The following TMEM179 variants were observed in gnomAD, a reference collection of about 807,000 sequenced individuals.
TMEM179 encodes transmembrane protein 179A.
A neutral mutation model predicts 22.2 loss-of-function variants in TMEM179; 17 were observed. The observed-to-expected ratio is 0.77, with a 90% CI of 0.52 to 1.15. The LOEUF is 1.15. TMEM179 is among the 50% of genes most tolerant of loss of function. The probability of loss-of-function intolerance (pLI) is 0.00; values close to 1 mark genes in which losing one functional copy is unlikely to be tolerated. For synonymous variants in TMEM179, 127 were observed against 140.5 expected (o/e 0.90, Z 0.68); for missense variants, 265 against 313.6 (o/e 0.84, Z 1.17).
At position 104,593,515 on chromosome 14, in the gene TMEM179, G is replaced by C; in HGVS notation, c.666C>G (p.Arg222=). The C allele has an allele frequency of 3.3e-6, 5 of 1,535,894 alleles. No homozygotes were observed. Among genetic ancestry groups the C allele is most frequent in the Non-Finnish European group, 4.4e-6 (5 of 1,146,740 alleles). ...CGCTCTTCTCCTCTTGGAAGGAGGT[G>C]CGTGGGGACGGCCGGGCCAGCAGCA... ...KELLLARPSP[R]TSFQEEKSAV... Residue 222 remains arginine (R), a synonymous_variant, in exon 4 of 4, where the codon CGC becomes CGG. Transcript: ENST00000556573.
At chr14:104,593,701 C>T (rs550305801) in intron 3 of TMEM179, 43 bp from the exon 4 acceptor site, 26 of 1,435,136 alleles carry the variant, frequency 1.8e-5, no homozygotes, top group African/African-American at 1.4e-4. Context: ...GTTGGGGGTC[C>T]GCTGTCAGTG....
chr14:104,594,981 G>C (rs1380166446), intron 3 of TMEM179, 184 bp downstream of exon 3: 3 of 1,396,832 alleles, frequency 2.1e-6, no homozygotes, highest in Non-Finnish European at 2.8e-6. Context: ...CAAAAGCCCA[G>C]CTCTCCCCCA....
At position 104,594,025 on chromosome 14, in the gene TMEM179, G is replaced by A. The variant is rs573679404; in HGVS notation, c.523-367C>T. 3.8e-5 allele frequency: 47 copies of A among 1,221,844 alleles called. No individual in the cohort carries two copies. In the South Asian group the frequency reaches 1.1e-3, roughly 27 times the overall value. 75.7% of individuals were successfully genotyped at this position (1,221,844 alleles called of 1,614,324 possible). A position where few individuals can be genotyped will look rare whatever the true frequency, so the allele number is the denominator to read the frequency against. ...CCGGCCTGTCGGCTCTAAGGAGGGC[G>A]GGTAAACAGCGGAGGCTCCTCCAAC... is the stretch of plus-strand genomic sequence containing the variant. On this transcript the variant is annotated intron_variant, in intron 3 of 3. Coordinates refer to ENST00000556573, the MANE Select transcript of TMEM179 (RefSeq NM_001286389.2).
intron 3 of TMEM179, chr14:104,594,175 C>T: frequency 6.5e-6 from 8 of 1,232,180 alleles, no homozygotes; most frequent in Non-Finnish European, 7.1e-6. Flanking sequence ...TCAGACTGCA[C>T]TCACACCTTA....
chr14:104,593,321 TG>T lies in TMEM179; in HGVS notation c.*157del. ...CACTGCCAGGCTCACAGGTGGGCAC[TG>T]GGGCGCTCACCTCACTACACGTGGC... On this transcript the variant is annotated 3_prime_UTR_variant, in exon 4 of 4. Coordinates refer to ENST00000556573, the MANE Select transcript of TMEM179 (RefSeq NM_001286389.2). The T allele has an allele frequency of 1.2e-6, 1 of 849,066 alleles. No individual in the cohort carries two copies. The highest frequency in any genetic ancestry group is 1.8e-6 in the Non-Finnish European group (1 of 550,146). The allele number at this position is 849,066 out of a possible 1,614,324, so 52.6% of individuals were successfully genotyped here. A position where few individuals can be genotyped will look rare whatever the true frequency, so the allele number is the denominator to read the frequency against.
chr14:104,593,087 C>G lies in TMEM179; in HGVS notation c.*392G>C, dbSNP rs1311801940. 4.1e-6 allele frequency: 1 copy of G among 246,826 alleles called. No homozygotes were observed. Among genetic ancestry groups the G allele is most frequent in the African/African-American group, 2.2e-5 (1 of 44,592 alleles). 15.3% of individuals were successfully genotyped at this position (246,826 alleles called of 1,614,324 possible). On this transcript the variant is annotated 3_prime_UTR_variant, in exon 4 of 4. Coordinates refer to ENST00000556573, the MANE Select transcript of TMEM179 (RefSeq NM_001286389.2). ...GAATTCGTTCAGGGCTAAGTGACAT[C>G]TGGCCACCCCTGGGCCAGCTGGCAT... is the stretch of plus-strand genomic sequence containing the variant.
chr14:104,593,710 T>C lies in TMEM179; in HGVS notation c.523-52A>G, dbSNP rs1886918866. Reference sequence around the variant, plus strand: ...GAAGCCGTTGGGGGTCCGCTGTCAGTGCAACCCCCTCCCACCAGCCCCCAG... The same window carrying C: ...GAAGCCGTTGGGGGTCCGCTGTCAGCGCAACCCCCTCCCACCAGCCCCCAG... On this transcript the variant is annotated intron_variant, in intron 3 of 3. Transcript: ENST00000556573. The C allele has an allele frequency of 1.3e-5, 19 of 1,427,478 alleles. No homozygotes were observed. The South Asian group carries it at 1.6e-4, about 12-fold the overall frequency. 88.4% of individuals were successfully genotyped at this position (1,427,478 alleles called of 1,614,324 possible).
chr14:104,603,998 G>A (rs1887330354), intron 1 of TMEM179, among the ~76,000 whole-genome samples: 1 of 152,228 alleles, frequency 6.6e-6, no homozygotes, highest in African/African-American at 2.4e-5. Context: ...CCGGGGCGAT[G>A]GTGCCGGGTG....
chr14:104,603,291 C>T (rs915532749), intron 1 of TMEM179, among the ~76,000 whole-genome samples: 4 of 151,876 alleles, frequency 2.6e-5, no homozygotes, highest in African/African-American at 9.7e-5. Context: ...GGAGGGCTTC[C>T]CCACTCCTGC....
intron 3 of TMEM179, chr14:104,594,852 C>G: frequency 7.6e-7 from 1 of 1,316,972 alleles, no homozygotes; most frequent in Non-Finnish European, 9.7e-7. Context: ...GATCTGATGC[C>G]TGGTTTCGTT....
At chr14:104,599,296 T>C (rs1208763002) in intron 1 of TMEM179, among the ~76,000 whole-genome samples, 1 of 139,542 alleles carries the variant, frequency 7.2e-6, no homozygotes, top group African/African-American at 2.6e-5. Context: ...GCCCTCTGGC[T>C]TCCGGCTGGG....
rs1038358652 is a variant in TMEM179, at chr14:104,593,128, C to A, written c.*351G>T. 5.8e-6 allele frequency: 2 copies of A among 342,440 alleles called. No individual in the cohort carries two copies. The highest frequency in any genetic ancestry group is 2.1e-5 in the African/African-American group (1 of 47,420). 21.2% of individuals were successfully genotyped at this position (342,440 alleles called of 1,614,324 possible). Reference sequence around the variant, plus strand: ...CAGCTGGCATGGAGACAGCATCCGGCCAGGGTTGGGGGAGACAAGCTGGAC... The same window carrying A: ...CAGCTGGCATGGAGACAGCATCCGGACAGGGTTGGGGGAGACAAGCTGGAC... On this transcript the variant is annotated 3_prime_UTR_variant, in exon 4 of 4. Coordinates refer to ENST00000556573, the MANE Select transcript of TMEM179 (RefSeq NM_001286389.2).
At position 104,592,263 on chromosome 14, in the gene TMEM179, TAC is replaced by T. The variant is rs1234593810; in HGVS notation, c.*1214_*1215del. The T allele has an allele frequency of 6.5e-6, 1 of 154,550 alleles. No individual in the cohort carries two copies. The highest frequency in any genetic ancestry group is 1.4e-5 in the Non-Finnish European group (1 of 69,416). 9.6% of individuals were successfully genotyped at this position (154,550 alleles called of 1,614,324 possible). A position where few individuals can be genotyped will look rare whatever the true frequency, so the allele number is the denominator to read the frequency against. On this transcript the variant is annotated 3_prime_UTR_variant, in exon 4 of 4. Coordinates refer to ENST00000556573, the MANE Select transcript of TMEM179 (RefSeq NM_001286389.2). ...ACACACCTGCCTAGACACTCACACC[TAC>T]ACACTCTTCCTCACACTCACATGCA...
At chr14:104,593,782 C>T (rs1485509132) in intron 3 of TMEM179, 124 bp from the exon 4 acceptor site, 6 of 1,159,256 alleles carry the variant, frequency 5.2e-6, no homozygotes, top group Admixed American at 6.9e-5. Context: ...AGGAGGAGGC[C>T]GGGGACATGG....
intron 1 of TMEM179, among the ~76,000 whole-genome samples, chr14:104,601,915 G>A (rs1039251040): frequency 3.3e-5 from 5 of 152,122 alleles, no homozygotes; most frequent in Non-Finnish European, 7.4e-5. Context: ...GAGCATACCA[G>A]GCCGTCTAAG....
intron 1 of TMEM179, among the ~76,000 whole-genome samples, chr14:104,599,748 G>A (rs1191665259): frequency 6.6e-6 from 1 of 152,176 alleles, no homozygotes; most frequent in Non-Finnish European, 1.5e-5. Flanking sequence ...CCACTGCCAT[G>A]GTCCACACCT....
chr14:104,600,613 CTCATTCATTCAT>C lies in TMEM179; in HGVS notation c.306-3498_306-3487del, dbSNP rs572258329. Among the ~76,000 whole-genome samples the C allele has an allele frequency of 2.5e-3, 386 of 151,504 alleles. 1 individual carries two copies. The highest frequency in any genetic ancestry group is 8.6e-3 in the African/African-American group (353 of 40,844). On this transcript the variant is annotated intron_variant, in intron 1 of 3. Coordinates refer to ENST00000556573, the MANE Select transcript of TMEM179 (RefSeq NM_001286389.2). ...ATTCATTCATTCATTCATTCATTTA[CTCATTCATTCAT>C]TCATTCATTCATTCACTCATTCACT...
At position 104,593,366 on chromosome 14, in the gene TMEM179, G is replaced by A; in HGVS notation, c.*113C>T. On this transcript the variant is annotated 3_prime_UTR_variant, in exon 4 of 4. Transcript: ENST00000556573. ...ACGTGGCGTCGAGGGGACACACGCA[G>A]GGCTGCATGTGGCCAGGGCCCAGGC... is the stretch of plus-strand genomic sequence containing the variant. 7.5e-7 allele frequency: 1 copy of A among 1,333,886 alleles called. No homozygotes were observed. The highest frequency in any genetic ancestry group is 2.5e-5 in the East Asian group (1 of 39,798). The allele number at this position is 1,333,886 out of a possible 1,614,324, so 82.6% of individuals were successfully genotyped here. A position where few individuals can be genotyped will look rare whatever the true frequency, so the allele number is the denominator to read the frequency against.
intron 1 of TMEM179, among the ~76,000 whole-genome samples, chr14:104,600,486 A>G (rs1321132617): frequency 6.6e-6 from 1 of 152,208 alleles, no homozygotes; most frequent in East Asian, 1.9e-4. Context: ...ATCCTCCCTC[A>G]GCACAGCTGC....
Sources: gnomAD v4.1 joint callset for allele counts (sites outside exome capture counted in the v4.1 genomes callset) on GRCh38, gnomAD v4.1.1 for gene constraint, MANE v1.5 for transcripts, NCBI Gene and HGNC (gene_info 2026-07-23, HGNC 2026-07-21) for gene names.